Variants in SSBP2 observed in about 807,000 individuals in gnomAD.
SSBP2 encodes the protein single stranded DNA binding protein 2, also known as single-stranded DNA-binding protein 2.
A neutral mutation model predicts 61.8 loss-of-function variants in SSBP2; 17 were observed. That is an observed-to-expected ratio of 0.28 (90% confidence interval 0.19 to 0.41). The LOEUF (loss-of-function observed/expected upper bound fraction) is 0.41. Ranked by LOEUF, SSBP2 falls within the 10% of genes least tolerant of loss-of-function variation. The probability of loss-of-function intolerance (pLI) is 1.00; values close to 1 mark genes in which losing one functional copy is unlikely to be tolerated. For synonymous variants in SSBP2, 139 were observed against 141.3 expected (o/e 0.98, Z 0.12); for missense variants, 310 against 458.7 (o/e 0.68, Z 2.96).
chr5:81,590,572 A>G (rs1168226385), intron 4 of SSBP2, among the ~76,000 whole-genome samples: 1 of 152,220 alleles, frequency 6.6e-6, no homozygotes, highest in African/African-American at 2.4e-5. Context: ...AACCCCTGAG[A>G]GCCAGAAATG....
chr5:81,647,550 C>T (rs1164761328), intron 2 of SSBP2, among the ~76,000 whole-genome samples: 1 of 151,980 alleles, frequency 6.6e-6, no homozygotes, highest in African/African-American at 2.4e-5. Context: ...CAGCACCATT[C>T]AGAGTTTGGC....
intron 4 of SSBP2, among the ~76,000 whole-genome samples, chr5:81,562,891 A>G (rs1022102714): frequency 1.3e-5 from 2 of 152,198 alleles, no homozygotes; most frequent in Non-Finnish European, 2.9e-5. Flanking sequence ...AATTAAAGAA[A>G]TTAATGAAGA....
chr5:81,500,787 AATT>A (rs1408871768), intron 5 of SSBP2, among the ~76,000 whole-genome samples: 2 of 152,036 alleles, frequency 1.3e-5, no homozygotes, highest in African/African-American at 4.8e-5. Flanking sequence ...AGAACTGAGA[AATT>A]ATTATTGCAC....
At chr5:81,722,400 T>TTG (rs954769643) in intron 1 of SSBP2, among the ~76,000 whole-genome samples, 6 of 151,514 alleles carry the variant, frequency 4.0e-5, no homozygotes, top group Admixed American at 2.0e-4. Flanking sequence ...TAATTTTGTT[T>TTG]TTTTTTTTTT....
chr5:81,509,043 C>T (rs1378213327), intron 5 of SSBP2, among the ~76,000 whole-genome samples: 2 of 152,114 alleles, frequency 1.3e-5, no homozygotes, highest in African/African-American at 4.8e-5. Flanking sequence ...GGTAACCACC[C>T]TTCAGAATTT....
chr5:81,509,099 T>C (rs1385830899), intron 5 of SSBP2, among the ~76,000 whole-genome samples: 1 of 152,180 alleles, frequency 6.6e-6, no homozygotes, highest in Non-Finnish European at 1.5e-5. Context: ...TAGCACCCTT[T>C]TGACTAAGTC....
intron 10 of SSBP2, 101 bp downstream of exon 10, chr5:81,460,954 C>A: frequency 1.6e-6 from 1 of 615,316 alleles, no homozygotes; most frequent in South Asian, 4.8e-5. Flanking sequence ...AAAAGGGTTA[C>A]TACAACCAAT....
intron 4 of SSBP2, among the ~76,000 whole-genome samples, chr5:81,608,827 T>C (rs1435731516): frequency 1.3e-5 from 2 of 152,010 alleles, no homozygotes; most frequent in African/African-American, 2.4e-5. Context: ...CTTTTGGAAA[T>C]GATGAAGACG....
chr5:81,527,227 ACT>A (rs967454684), intron 4 of SSBP2, among the ~76,000 whole-genome samples: 55 of 152,112 alleles, frequency 3.6e-4, no homozygotes, highest in African/African-American at 1.2e-3. Flanking sequence ...TAAATAGATA[ACT>A]CTGGTAGCTC....
chr5:81,621,828 C>A, intron 3 of SSBP2, among the ~76,000 whole-genome samples: 1 of 112,734 alleles, frequency 8.9e-6, no homozygotes, highest in African/African-American at 3.6e-5. Context: ...AAATTGGAAA[C>A]CATCATTCTC....
chr5:81,448,822 G>A lies in SSBP2; in HGVS notation c.691C>T (p.Pro231Ser). The A allele has an allele frequency of 1.2e-6, 2 of 1,612,930 alleles. No homozygotes were observed. The highest frequency in any genetic ancestry group is 1.7e-6 in the Non-Finnish European group (2 of 1,179,540). ...TTCCCAGGAGATGCTGAGGAGTATG[G>A]TATCTGGAACACGAATAGGACAAAA... The change falls in exon 11 of 17, where the codon CCA (proline) becomes TCA (serine). Residue 231 changes from proline (P) to serine (S), a missense_variant. Transcript: ENST00000320672.
At chr5:81,554,940 A>G (rs1004228830) in intron 4 of SSBP2, among the ~76,000 whole-genome samples, 9 of 152,158 alleles carry the variant, frequency 5.9e-5, no homozygotes, top group African/African-American at 2.2e-4. Flanking sequence ...AATGCTTGTC[A>G]GGAGCCATTG....
At chr5:81,476,375 C>T (rs1020218906) in intron 6 of SSBP2, among the ~76,000 whole-genome samples, 33 of 152,120 alleles carry the variant, frequency 2.2e-4, no homozygotes, top group Admixed American at 6.6e-4. Flanking sequence ...TGTCCTGTCT[C>T]TTCATGTTCT....
intron 1 of SSBP2, among the ~76,000 whole-genome samples, chr5:81,746,891 T>C (rs1757378211): frequency 6.6e-6 from 1 of 152,106 alleles, no homozygotes; most frequent in Non-Finnish European, 1.5e-5. Context: ...TACTCATCTA[T>C]TTGCAGGTGC....
intron 5 of SSBP2, among the ~76,000 whole-genome samples, chr5:81,501,788 G>A (rs1038335626): frequency 4.6e-5 from 7 of 151,588 alleles, no homozygotes; most frequent in South Asian, 2.1e-4. Context: ...GGATGGTCTC[G>A]ATCTGACCTC....
rs1344193168 is a variant in SSBP2 at position 81,630,408 on chromosome 5, T to C, written c.197+6149A>G. ...GCATTTTTCTGAAAGATGAGATCCA[T>C]AGCTCTCATCAGTTCTCAGAGGACC... On this transcript the variant is annotated intron_variant, in intron 3 of 16. Transcript: ENST00000320672. Among the ~76,000 whole-genome samples the C allele has an allele frequency of 2.6e-5, 4 of 152,180 alleles. No homozygotes were observed. The East Asian group carries it at 5.8e-4, about 22-fold the overall frequency.
At chr5:81,688,125 A>T (rs926818107) in intron 1 of SSBP2, among the ~76,000 whole-genome samples, 1 of 152,044 alleles carries the variant, frequency 6.6e-6, no homozygotes, top group Non-Finnish European at 1.5e-5. Flanking sequence ...TCCTGAAGGG[A>T]GCAGTAGCCA....
At chr5:81,453,396 A>T (rs1179071755) in intron 10 of SSBP2, among the ~76,000 whole-genome samples, 1 of 151,894 alleles carries the variant, frequency 6.6e-6, no homozygotes, top group Non-Finnish European at 1.5e-5. Flanking sequence ...CAAGCAAGTT[A>T]GATTTTTAAG....
intron 2 of SSBP2, among the ~76,000 whole-genome samples, chr5:81,639,176 T>C (rs1442250368): frequency 2.0e-5 from 3 of 152,144 alleles, no homozygotes; most frequent in Non-Finnish European, 4.4e-5. Context: ...AATAAATTCG[T>C]GATTTGAGGG....
Sources: allele counts gnomAD v4.1 joint callset (sites outside exome capture counted in the v4.1 genomes callset), GRCh38; gene constraint gnomAD v4.1.1; transcripts MANE v1.5; gene names NCBI Gene and HGNC (gene_info 2026-07-23, HGNC 2026-07-21).